MRTFB: variants seen among roughly 807,000 people sequenced by gnomAD.
MRTFB encodes the protein myocardin-related transcription factor B.
In MRTFB, 29 loss-of-function variants were observed where a neutral mutation model predicts 104.2. That is an observed-to-expected ratio of 0.28 (90% confidence interval 0.21 to 0.38). MRTFB has a LOEUF of 0.38. Ranked by LOEUF, MRTFB falls within the 10% of genes least tolerant of loss-of-function variation. The pLI, the probability that MRTFB is intolerant of heterozygous loss-of-function variation, is 1.00. For missense variants in MRTFB, 1,270 were observed against 1,341.6 expected, an observed-to-expected ratio of 0.95 and a Z score of 0.83; for synonymous variants, 535 against 519.5, an observed-to-expected ratio of 1.03 and a Z score of -0.41.
chr16:14,139,164 T>C (rs1432065750), intron 2 of MRTFB, among the ~76,000 whole-genome samples: 1 of 152,220 alleles, frequency 6.6e-6, no homozygotes, highest in Non-Finnish European at 1.5e-5. Context: ...GTAAATCATA[T>C]ATCTGATAAA....
chr16:14,034,470 C>T, the MRTFB span, among the ~76,000 whole-genome samples: 1 of 152,130 alleles, frequency 6.6e-6, no homozygotes, highest in South Asian at 2.1e-4. Flanking sequence ...AAAAATTAGC[C>T]AGGCGTGGTG....
At chr16:14,228,560 A>G (rs965808106) in intron 8 of MRTFB, among the ~76,000 whole-genome samples, 3 of 150,702 alleles carry the variant, frequency 2.0e-5, no homozygotes, top group Admixed American at 2.0e-4. Context: ...TGGGCAACAG[A>G]GCTAGACTCC....
At chr16:14,182,639 C>G (rs1416401032) in intron 3 of MRTFB, among the ~76,000 whole-genome samples, 4 of 152,054 alleles carry the variant, frequency 2.6e-5, no homozygotes, top group Admixed American at 2.6e-4. Context: ...ACAGTGACAC[C>G]CTTGCAGCAG....
intron 3 of MRTFB, among the ~76,000 whole-genome samples, chr16:14,197,586 A>G (rs2040496714): frequency 6.6e-6 from 1 of 152,210 alleles, no homozygotes; most frequent in Non-Finnish European, 1.5e-5. Context: ...TTTCTTAGAA[A>G]ATAGCAACTC....
intron 15 of MRTFB, among the ~76,000 whole-genome samples, chr16:14,257,375 G>A (rs1198339659): frequency 6.6e-6 from 1 of 152,122 alleles, no homozygotes; most frequent in Non-Finnish European, 1.5e-5. Context: ...ACAAACTGCT[G>A]TGTTTCCATA....
intron 3 of MRTFB, among the ~76,000 whole-genome samples, chr16:14,178,895 G>A (rs1326348098): frequency 2.0e-5 from 3 of 151,952 alleles, no homozygotes; most frequent in Non-Finnish European, 2.9e-5. Context: ...GACCAGAGGT[G>A]CACGCCACCA....
At chr16:14,046,563 G>A in the MRTFB span, among the ~76,000 whole-genome samples, 2 of 152,054 alleles carry the variant, frequency 1.3e-5, no homozygotes, top group Non-Finnish European at 2.9e-5. Flanking sequence ...CTGCCCTTTG[G>A]AATATGCCAG....
At position 14,249,100 on chromosome 16, in the gene MRTFB, G is replaced by A. The variant is rs753959836; in HGVS notation, c.2403+19G>A. ...CAGAAAGGTTTGTAAATGCCAAGGA[G>A]CAATAGAATGTCGCTGATTTTTACC... On this transcript the variant is annotated intron_variant, in intron 13 of 16. Coordinates refer to ENST00000571589, the MANE Select transcript of MRTFB (RefSeq NM_001308142.2). The A allele has an allele frequency of 1.7e-5, 28 of 1,609,876 alleles. No homozygotes were observed. The highest frequency in any genetic ancestry group is 2.3e-5 in the Non-Finnish European group (27 of 1,177,982).
the MRTFB span, among the ~76,000 whole-genome samples, chr16:14,040,910 T>G: frequency 6.6e-6 from 1 of 152,108 alleles, no homozygotes; most frequent in Non-Finnish European, 1.5e-5. Context: ...ACCCAGGAGT[T>G]CGAGACCAGC....
chr16:14,241,970 TAATAATA>T (rs1344179514), intron 10 of MRTFB, among the ~76,000 whole-genome samples: 1 of 56,956 alleles, frequency 1.8e-5, no homozygotes, highest in East Asian at 4.6e-4. Context: ...GCACCAATAA[TAATAATA>T]ATAATAATAA....
chr16:14,113,305 G>T (rs183662282), intron 2 of MRTFB, among the ~76,000 whole-genome samples: 6 of 152,300 alleles, frequency 3.9e-5, no homozygotes, highest in Admixed American at 3.9e-4. Flanking sequence ...TGGCCTCCCA[G>T]AGTGCTGGGA....
chr16:14,198,630 A>C (rs2040544820), intron 3 of MRTFB, among the ~76,000 whole-genome samples: 1 of 152,126 alleles, frequency 6.6e-6, no homozygotes, highest in Non-Finnish European at 1.5e-5. Context: ...GATTATTCCA[A>C]ACCTCCTTCA....
chr16:14,219,887 A>G (rs900922624), intron 8 of MRTFB, among the ~76,000 whole-genome samples: 2 of 152,188 alleles, frequency 1.3e-5, no homozygotes, highest in Non-Finnish European at 2.9e-5. Flanking sequence ...GAGAGAGAGC[A>G]AGTATATTTT....
chr16:14,027,405 G>A, the MRTFB span, among the ~76,000 whole-genome samples: 1 of 152,210 alleles, frequency 6.6e-6, no homozygotes, highest in African/African-American at 2.4e-5. Flanking sequence ...AACAGGGTCT[G>A]AAGAGGGTAT....
intron 2 of MRTFB, among the ~76,000 whole-genome samples, chr16:14,114,132 G>A (rs191612708): frequency 6.6e-6 from 1 of 152,150 alleles, no homozygotes; most frequent in African/African-American, 2.4e-5. Flanking sequence ...TATATTTGTG[G>A]TTGGAAACTT....
At chr16:14,213,949 T>G (rs1285588799) in intron 6 of MRTFB, among the ~76,000 whole-genome samples, 2 of 152,196 alleles carry the variant, frequency 1.3e-5, no homozygotes, top group East Asian at 3.8e-4. Context: ...TCATAAAGAA[T>G]GCAATAGCAC....
At chr16:14,090,505 G>A (rs2034990004) in intron 2 of MRTFB, among the ~76,000 whole-genome samples, 1 of 152,192 alleles carries the variant, frequency 6.6e-6, no homozygotes. Flanking sequence ...TGAGTGGGAT[G>A]TGGCCCTATC....
the MRTFB span, among the ~76,000 whole-genome samples, chr16:14,049,436 T>C: frequency 6.6e-6 from 1 of 152,234 alleles, no homozygotes; most frequent in Non-Finnish European, 1.5e-5. Context: ...GCTCTGAGCC[T>C]GAAGCTTGGA....
At chr16:14,119,031 G>A (rs1258284946) in intron 2 of MRTFB, among the ~76,000 whole-genome samples, 4 of 152,024 alleles carry the variant, frequency 2.6e-5, no homozygotes, top group Admixed American at 6.6e-5. Flanking sequence ...TATGTGTCTC[G>A]TGCATGTTTG....
Sources: gnomAD v4.1 joint callset for allele counts (sites outside exome capture counted in the v4.1 genomes callset) on GRCh38, gnomAD v4.1.1 for gene constraint, MANE v1.5 for transcripts, NCBI Gene and HGNC (gene_info 2026-07-23, HGNC 2026-07-21) for gene names.